EVI5: variants seen among roughly 807,000 people sequenced by gnomAD.
EVI5 encodes ecotropic viral integration site 5, also known as ecotropic viral integration site 5 protein homolog.
In EVI5, 73 loss-of-function variants were observed where a neutral mutation model predicts 112.0. The ratio of observed to expected loss-of-function variants is 0.65; its 90% CI spans 0.54 to 0.79. The LOEUF (loss-of-function observed/expected upper bound fraction) is 0.79. Among genes scored for constraint, EVI5 ranks in the 30% least tolerant of loss-of-function variants. The pLI is 0.00. For missense variants in EVI5, 900 were observed against 968.8 expected, an observed-to-expected ratio of 0.93 and a Z score of 0.94; for synonymous variants, 305 against 319.9, an observed-to-expected ratio of 0.95 and a Z score of 0.50.
At chr1:92,679,074 C>CTGAGTT (rs763439930) in intron 9 of EVI5, among the ~76,000 whole-genome samples, 36 of 152,282 alleles carry the variant, frequency 2.4e-4, no homozygotes, top group Non-Finnish European at 4.7e-4. Flanking sequence ...ACATCACTGC[C>CTGAGTT]TGAGCTCCAC....
intron 18 of EVI5, among the ~76,000 whole-genome samples, chr1:92,594,892 G>A (rs1175704575): frequency 2.0e-5 from 3 of 152,256 alleles, no homozygotes; most frequent in African/African-American, 7.2e-5. Context: ...AGTTAGAATG[G>A]TGATCATTAA....
chr1:92,669,101 A>G (rs541675791), intron 10 of EVI5, among the ~76,000 whole-genome samples: 1 of 152,350 alleles, frequency 6.6e-6, no homozygotes, highest in South Asian at 2.1e-4. Flanking sequence ...ATAGCATAGC[A>G]CCTAATATAT....
At position 92,607,710 on chromosome 1, in the gene EVI5, GT is replaced by G; in HGVS notation, c.1844del (p.Asn615ThrfsTer10). 1 of 1,600,718 alleles carries G rather than the reference GT, an allele frequency of 6.2e-7. No homozygotes were observed. The highest frequency in any genetic ancestry group is 8.5e-7 in the Non-Finnish European group (1 of 1,174,332). ...EMETQNQINS[N>X]HLRRAEQEVI... The stretch of plus-strand genomic sequence containing the variant: ...CCTCTTGTTCTGCTCTTCGAAGATG[GT>G]TACTATTGATCTGGTTCTAATAATC... On this transcript the variant is annotated frameshift_variant, in exon 17 of 20. Transcript: ENST00000684568. LOFTEE classifies it high-confidence loss of function.
chr1:92,530,901 T>A (rs1291632529), intron 19 of EVI5, among the ~76,000 whole-genome samples: 1 of 151,864 alleles, frequency 6.6e-6, no homozygotes, highest in Non-Finnish European at 1.5e-5. Context: ...CACAACTCCT[T>A]GCCAGCAAGG....
At chr1:92,567,699 T>G (rs1669710130) in intron 18 of EVI5, among the ~76,000 whole-genome samples, 1 of 152,158 alleles carries the variant, frequency 6.6e-6, no homozygotes, top group South Asian at 2.1e-4. Context: ...ATTGCCTAAG[T>G]ATGAATTTCT....
At chr1:92,788,335 A>T (rs1264842399), upstream of EVI5, among the ~76,000 whole-genome samples, 2 of 151,836 alleles carry the variant, frequency 1.3e-5, no homozygotes, top group Non-Finnish European at 2.9e-5. Context: ...TTAGCCGGGC[A>T]TGGTGGCGTG....
intron 2 of EVI5, chr1:92,732,087 C>A (rs1676576215): frequency 1.2e-5 from 2 of 160,950 alleles, no homozygotes; most frequent in Admixed American, 1.3e-4. Flanking sequence ...GTGTGTGATA[C>A]TCAGGAATAT....
chr1:92,761,106 C>G (rs1397825449), intron 1 of EVI5, among the ~76,000 whole-genome samples: 1 of 151,482 alleles, frequency 6.6e-6, no homozygotes, highest in African/African-American at 2.4e-5. Flanking sequence ...TTCTACAGAC[C>G]TCTAAGCTCT....
At chr1:92,583,824 G>T (rs1672354246) in intron 18 of EVI5, among the ~76,000 whole-genome samples, 1 of 150,516 alleles carries the variant, frequency 6.6e-6, no homozygotes, top group African/African-American at 2.4e-5. Flanking sequence ...TTAACTTTAG[G>T]ATAGGAAACC....
intron 18 of EVI5, among the ~76,000 whole-genome samples, chr1:92,582,703 T>C (rs1223882353): frequency 3.9e-5 from 6 of 152,238 alleles, no homozygotes; most frequent in African/African-American, 1.4e-4. Flanking sequence ...TTTTGCTTGG[T>C]AGCCCAAGTT....
At chr1:92,545,184 T>C (rs1330774125) in intron 19 of EVI5, among the ~76,000 whole-genome samples, 1 of 152,194 alleles carries the variant, frequency 6.6e-6, no homozygotes, top group Non-Finnish European at 1.5e-5. Flanking sequence ...GTGGAGCACA[T>C]TTTCAATTTG....
intron 14 of EVI5, among the ~76,000 whole-genome samples, chr1:92,631,067 G>A (rs1656950701): frequency 6.6e-6 from 1 of 152,136 alleles, no homozygotes; most frequent in African/African-American, 2.4e-5. Flanking sequence ...GTACCATGCT[G>A]TTTTGGTTAC....
intron 19 of EVI5, among the ~76,000 whole-genome samples, chr1:92,552,357 T>A (rs1475424924): frequency 6.6e-6 from 1 of 152,198 alleles, no homozygotes; most frequent in Non-Finnish European, 1.5e-5. Context: ...AACCATTAAT[T>A]AGAATAAATG....
intron 18 of EVI5, among the ~76,000 whole-genome samples, chr1:92,584,918 C>T (rs1311594115): frequency 2.0e-5 from 3 of 151,968 alleles, no homozygotes; most frequent in Non-Finnish European, 4.4e-5. Flanking sequence ...TAGCTAAAGG[C>T]ACAGTTTAAA....
chr1:92,550,781 A>AAATATATAT (rs1557766166), intron 19 of EVI5, among the ~76,000 whole-genome samples: 2 of 20,324 alleles, frequency 9.8e-5, no homozygotes, highest in Non-Finnish European at 1.5e-4. Context: ...AAAAAAAAAA[A>AAATATATAT]ATATATATAT....
intron 9 of EVI5, among the ~76,000 whole-genome samples, chr1:92,679,662 A>G (rs1390419385): frequency 1.3e-5 from 2 of 152,228 alleles, no homozygotes; most frequent in African/African-American, 4.8e-5. Context: ...TTAATGAACC[A>G]ATATTAACAC....
At chr1:92,741,581 G>GA (rs537469369) in intron 1 of EVI5, among the ~76,000 whole-genome samples, 4 of 150,926 alleles carry the variant, frequency 2.7e-5, no homozygotes, top group East Asian at 1.9e-4. Flanking sequence ...ATTTTAAAAA[G>GA]AAAAAAAAAC....
At chr1:92,648,236 T>C (rs1362985442) in intron 13 of EVI5, among the ~76,000 whole-genome samples, 1 of 141,132 alleles carries the variant, frequency 7.1e-6, no homozygotes, top group Non-Finnish European at 1.5e-5. Context: ...CAGCCGGGCA[T>C]GGTGGCAGGT....
chr1:92,726,249 C>T (rs1675556851), intron 2 of EVI5, among the ~76,000 whole-genome samples: 1 of 152,086 alleles, frequency 6.6e-6, no homozygotes, highest in Admixed American at 6.6e-5. Context: ...AAAACAATGA[C>T]ACCTCAGAAT....
Sources: gnomAD v4.1 joint callset for allele counts (sites outside exome capture counted in the v4.1 genomes callset) on GRCh38, gnomAD v4.1.1 for gene constraint, MANE v1.5 for transcripts, NCBI Gene and HGNC (gene_info 2026-07-23, HGNC 2026-07-21) for gene names.